Variants in SAMD3 observed in about 807,000 individuals in gnomAD.
SAMD3 encodes the protein sterile alpha motif domain containing 3, also known as sterile alpha motif domain-containing protein 3.
Under a neutral mutation model 58.5 loss-of-function variants are expected in SAMD3, and 63 were observed. The ratio of observed to expected loss-of-function variants is 1.08; its 90% CI spans 0.88 to 1.33. SAMD3 has a LOEUF of 1.33. Among genes scored for constraint, SAMD3 ranks in the 40% most tolerant of loss-of-function variants. The pLI is 0.00. For synonymous variants in SAMD3, 220 were observed against 210.3 expected (o/e 1.05, Z -0.40); for missense variants, 604 against 608.4 (o/e 0.99, Z 0.08).
chr6:130,208,776 T>G (rs548470319), intron 5 of SAMD3, among the ~76,000 whole-genome samples: 4 of 152,140 alleles, frequency 2.6e-5, no homozygotes, highest in Non-Finnish European at 5.9e-5. Context: ...AAGTGTGCAA[T>G]AAATGGAATG....
rs867843885 is a variant in SAMD3 at position 130,292,502 on chromosome 6, G to A, written c.-188+20476C>T. Among the ~76,000 whole-genome samples the A allele has an allele frequency of 2.0e-5, 3 of 152,030 alleles. No homozygotes were observed. In the South Asian group the frequency reaches 6.2e-4, roughly 32 times the overall value. Reference sequence around the variant, plus strand: ...GGGTTTCACCCTGTTGGCCGGGCTGGTCTCGAACTCCTGATCTCAGGTGAT... The same window carrying A: ...GGGTTTCACCCTGTTGGCCGGGCTGATCTCGAACTCCTGATCTCAGGTGAT... On this transcript the variant is annotated intron_variant, in intron 2 of 13. Coordinates refer to the SAMD3 transcript ENST00000368134.
At chr6:130,361,207 T>G (rs1777979904) in intron 1 of SAMD3, among the ~76,000 whole-genome samples, 1 of 152,124 alleles carries the variant, frequency 6.6e-6, no homozygotes, top group African/African-American at 2.4e-5. Context: ...CCATGAAAAC[T>G]TCACAATTTG....
rs528180270 is a variant in SAMD3 at position 130,344,669 on chromosome 6, G to A, written c.-304+20451C>T. Among the ~76,000 whole-genome samples the A allele has an allele frequency of 2.5e-4, 38 of 151,918 alleles. No individual in the cohort carries two copies. In the South Asian group the frequency reaches 5.2e-3, roughly 21 times the overall value. ...AGTGCTGAGTGCTGAGATTACTGGC[G>A]TGAGCCATGGAGCCCAGCCATTCCC... is the stretch of plus-strand genomic sequence containing the variant. On this transcript the variant is annotated intron_variant, in intron 1 of 13. Transcript: ENST00000368134.
chr6:130,281,550 C>T (rs561212309), intron 2 of SAMD3, among the ~76,000 whole-genome samples: 1 of 152,180 alleles, frequency 6.6e-6, no homozygotes, highest in South Asian at 2.1e-4. Flanking sequence ...CTAATCATGT[C>T]ACTCTTCTGC....
At position 130,344,816 on chromosome 6, in the gene SAMD3, C is replaced by T. The variant is rs1205338001; in HGVS notation, c.-304+20304G>A. On this transcript the variant is annotated intron_variant, in intron 1 of 13. Transcript: ENST00000368134. ...GTGAAGGGAAAGGAAGCAGAAAGAA[C>T]AACAACAGCAAAAAAAAAAAAAAAA... Among the ~76,000 whole-genome samples the T allele has an allele frequency of 2.9e-4, 9 of 30,708 alleles. No homozygotes were observed. In the Admixed American group the frequency reaches 3.2e-3, roughly 11 times the overall value. The allele number at this position is 30,708 out of a possible 152,430, so 20.1% of individuals were successfully genotyped here. A position where few individuals can be genotyped will look rare whatever the true frequency, so the allele number is the denominator to read the frequency against.
chr6:130,258,408 T>G (rs1773998364), intron 2 of SAMD3, among the ~76,000 whole-genome samples: 1 of 152,200 alleles, frequency 6.6e-6, no homozygotes, highest in Non-Finnish European at 1.5e-5. Flanking sequence ...GATTTAAATC[T>G]GCCATTTGCT....
Position 130,268,617 on chromosome 6 carries a change from T to C in SAMD3, c.-188+44361A>G, listed in dbSNP as rs374607122. ...TTATACCATATTTTTACCATACTTT[T>C]TCTGTTTAGATACATACTTACCATT... On this transcript the variant is annotated intron_variant, in intron 2 of 13. Transcript: ENST00000368134. Among the ~76,000 whole-genome samples the C allele has an allele frequency of 4.6e-5, 7 of 152,288 alleles. 1 individual carries two copies.
chr6:130,145,312 A>G (rs766359533), intron 11 of SAMD3, 28 bp downstream of exon 11: 1 of 1,173,494 alleles, frequency 8.5e-7, no homozygotes, highest in South Asian at 1.8e-5. Flanking sequence ...TAAAATGTCA[A>G]ACTAGTGGCC....
chr6:130,206,722 G>C (rs118186044), intron 5 of SAMD3, among the ~76,000 whole-genome samples: 2,140 of 152,204 alleles, frequency 0.014, 20 homozygotes, highest in South Asian at 0.042. Context: ...ATAAAGATAG[G>C]GGCGTGCCAC....
At chr6:130,183,962 G>T in intron 7 of SAMD3, 141 bp downstream of exon 7, 1 of 684,654 alleles carries the variant, frequency 1.5e-6, no homozygotes, top group Non-Finnish European at 2.6e-6. Context: ...GAAACAGATA[G>T]ACCTAGATAC....
chr6:130,314,395 C>T (rs1478529686), intron 1 of SAMD3, among the ~76,000 whole-genome samples: 1 of 152,132 alleles, frequency 6.6e-6, no homozygotes, highest in Non-Finnish European at 1.5e-5. Flanking sequence ...AAATAGACAC[C>T]TATGTTGGGT....
intron 5 of SAMD3, among the ~76,000 whole-genome samples, chr6:130,187,448 T>G (rs896545399): frequency 6.6e-6 from 1 of 152,138 alleles, no homozygotes; most frequent in Non-Finnish European, 1.5e-5. Context: ...TTAGGAAAGA[T>G]CAGAAGCATC....
At chr6:130,261,007 G>A (rs188053041) in intron 2 of SAMD3, among the ~76,000 whole-genome samples, 169 of 152,206 alleles carry the variant, frequency 1.1e-3, no homozygotes, top group Admixed American at 2.5e-3. Context: ...TGCTTGACAG[G>A]ACTGGTCTTG....
chr6:130,215,978 A>T, intron 2 of SAMD3: 1 of 618,958 alleles, frequency 1.6e-6, no homozygotes, highest in Non-Finnish European at 2.7e-6. Flanking sequence ...CACTGTTATG[A>T]TTGGTAAGAT....
At chr6:130,249,202 C>T (rs989439254) in intron 2 of SAMD3, among the ~76,000 whole-genome samples, 2 of 152,174 alleles carry the variant, frequency 1.3e-5, no homozygotes, top group African/African-American at 4.8e-5. Flanking sequence ...ATGAACTGGA[C>T]ACAATGTCCT....
intron 2 of SAMD3, among the ~76,000 whole-genome samples, chr6:130,291,739 G>T (rs994911612): frequency 6.6e-6 from 1 of 152,012 alleles, no homozygotes; most frequent in Non-Finnish European, 1.5e-5. Flanking sequence ...TTAACTGTGG[G>T]TTTTCCTTTA....
Position 130,215,196 on chromosome 6 carries a change from T to C in SAMD3, c.78A>G (p.Gln26=). The C allele has an allele frequency of 6.4e-7, 1 of 1,568,706 alleles. No individual in the cohort carries two copies. Among genetic ancestry groups the C allele is most frequent in the Non-Finnish European group, 8.8e-7 (1 of 1,140,070 alleles). ...TTTTGGAAAGCATAAACAACTCACC[T>C]TGAAATCTATGAACTAGCTCTCCTA... ...KNLGELVHRF[Q]EEEVSGAALL... Residue 26 remains glutamine (Q), a splice_region_variant and synonymous_variant, in exon 3 of 12, where the codon CAA becomes CAG. Coordinates refer to ENST00000439090, the MANE Select transcript of SAMD3 (RefSeq NM_001017373.4).
At chr6:130,215,858 T>C (rs1276527853) in intron 2 of SAMD3, 1 of 1,533,878 alleles carries the variant, frequency 6.5e-7, no homozygotes. Context: ...TGTTTTCCGT[T>C]AGCAAGAAGA....
chr6:130,300,973 C>T (rs994711081), intron 2 of SAMD3, among the ~76,000 whole-genome samples: 1 of 152,046 alleles, frequency 6.6e-6, no homozygotes, highest in Non-Finnish European at 1.5e-5. Context: ...CTCCCTCAGC[C>T]CCCCACCTCC....
Sources: allele counts gnomAD v4.1 joint callset (sites outside exome capture counted in the v4.1 genomes callset), GRCh38; gene constraint gnomAD v4.1.1; transcripts MANE v1.5; gene names NCBI Gene and HGNC (gene_info 2026-07-23, HGNC 2026-07-21).